TNFSF4: variants seen among roughly 807,000 people sequenced by gnomAD.
The protein encoded by TNFSF4 is TNF superfamily member 4.
TNFSF4 carries 4 observed loss-of-function variants against 7.3 expected under a neutral mutation model. The observed-to-expected ratio is 0.55, with a 90% CI of 0.27 to 1.25. The LOEUF (loss-of-function observed/expected upper bound fraction) is 1.25, where lower values mean the gene tolerates loss of function less well. Among genes scored for constraint, TNFSF4 ranks in the 50% most tolerant of loss-of-function variants. The pLI, the probability that TNFSF4 is intolerant of heterozygous loss-of-function variation, is 0.12. For synonymous variants in TNFSF4, 76 were observed against 83.7 expected, an observed-to-expected ratio of 0.91 and a Z score of 0.50; for missense variants, 181 against 208.8, an observed-to-expected ratio of 0.87 and a Z score of 0.82.
intron 1 of TNFSF4, among the ~76,000 whole-genome samples, chr1:173,195,670 C>A (rs144449104): frequency 9.2e-5 from 14 of 152,286 alleles, no homozygotes; most frequent in Middle Eastern, 3.4e-3. Flanking sequence ...GACCTTAAAC[C>A]CATTTGACAT....
chr1:173,251,708 A>C, the TNFSF4 span, among the ~76,000 whole-genome samples: 1 of 152,240 alleles, frequency 6.6e-6, no homozygotes, highest in Non-Finnish European at 1.5e-5. Flanking sequence ...TCTAAGGATT[A>C]AAAGGGAAAA....
At chr1:173,247,548 AT>A in the TNFSF4 span, among the ~76,000 whole-genome samples, 4 of 152,218 alleles carry the variant, frequency 2.6e-5, no homozygotes, top group Non-Finnish European at 2.9e-5. Flanking sequence ...TGGCCACTGA[AT>A]TCATCTTTTC....
intron 1 of TNFSF4, among the ~76,000 whole-genome samples, chr1:173,190,336 A>G (rs1649422781): frequency 6.6e-6 from 1 of 152,070 alleles, no homozygotes; most frequent in Non-Finnish European, 1.5e-5. Context: ...CCTGTTTCCC[A>G]CTCTCCTGGC....
chr1:173,233,783 T>C, the TNFSF4 span, among the ~76,000 whole-genome samples: 15 of 152,194 alleles, frequency 9.9e-5, no homozygotes, highest in Non-Finnish European at 1.5e-4. Context: ...TTACACCTTA[T>C]AAAAAAATTA....
chr1:173,431,208 TC>T, the TNFSF4 span, among the ~76,000 whole-genome samples: 4 of 152,256 alleles, frequency 2.6e-5, no homozygotes, highest in African/African-American at 7.2e-5. Flanking sequence ...GTGTTTGCAT[TC>T]TAAATATTTT....
At chr1:173,263,362 C>T in the TNFSF4 span, among the ~76,000 whole-genome samples, 35 of 152,306 alleles carry the variant, frequency 2.3e-4, no homozygotes, top group South Asian at 1.5e-3. Flanking sequence ...GGAGGCATAA[C>T]GCTATTTCAA....
the TNFSF4 span, among the ~76,000 whole-genome samples, chr1:173,352,251 C>A: frequency 2.0e-5 from 3 of 152,090 alleles, no homozygotes; most frequent in Non-Finnish European, 4.4e-5. Flanking sequence ...ACTTGTGTGT[C>A]GTCTTCTAAA....
At chr1:173,309,234 T>C in the TNFSF4 span, among the ~76,000 whole-genome samples, 1 of 152,128 alleles carries the variant, frequency 6.6e-6, no homozygotes, top group African/African-American at 2.4e-5. Context: ...CTTATTACAC[T>C]GGCTAGGACC....
intron 1 of TNFSF4, among the ~76,000 whole-genome samples, chr1:173,205,022 C>T (rs1000728334): frequency 3.9e-5 from 6 of 152,000 alleles, no homozygotes; most frequent in African/African-American, 1.5e-4. Flanking sequence ...CTATGCTATC[C>T]TTCTCATAAT....
chr1:173,252,334 T>G, the TNFSF4 span, among the ~76,000 whole-genome samples: 1 of 152,184 alleles, frequency 6.6e-6, no homozygotes, highest in Non-Finnish European at 1.5e-5. Context: ...CAGCTTAATT[T>G]TGGATCTCTT....
chr1:173,359,759 T>C, the TNFSF4 span, among the ~76,000 whole-genome samples: 1 of 152,308 alleles, frequency 6.6e-6, no homozygotes, highest in African/African-American at 2.4e-5. Context: ...TCTGCTAAGA[T>C]AGTGTTTCCA....
the TNFSF4 span, among the ~76,000 whole-genome samples, chr1:173,378,871 C>T: frequency 4.6e-5 from 1 of 21,516 alleles, no homozygotes; most frequent in African/African-American, 1.2e-4. Flanking sequence ...ACCACAAGAA[C>T]CCCCCTCCCC....
Position 173,183,898 on chromosome 1 carries a change from T to A in TNFSF4, c.*2618A>T, listed in dbSNP as rs1032173816. The A allele has an allele frequency of 2.6e-5, 4 of 152,162 alleles. No homozygotes were observed. Among genetic ancestry groups the A allele is most frequent in the African/African-American group, 9.7e-5 (4 of 41,430 alleles). The allele number at this position is 152,162 out of a possible 1,614,324, so 9.4% of individuals were successfully genotyped here. The stretch of plus-strand genomic sequence containing the variant: ...CAGTATACTTAAGAACAAATTATGA[T>A]TTGGATCGGGATTGGAATCCCTTAA... On this transcript the variant is annotated 3_prime_UTR_variant, in exon 3 of 3. Transcript: ENST00000281834.
chr1:173,367,912 A>T, the TNFSF4 span, among the ~76,000 whole-genome samples: 6 of 152,116 alleles, frequency 3.9e-5, no homozygotes, highest in African/African-American at 1.4e-4. Context: ...GACTTGGGGA[A>T]CTTTTCTGTC....
the TNFSF4 span, among the ~76,000 whole-genome samples, chr1:173,340,826 TGCCC>T: frequency 9.2e-5 from 14 of 152,116 alleles, no homozygotes; most frequent in Admixed American, 9.2e-4. Context: ...AGCAATAAGA[TGCCC>T]TGTCTGTGAG....
At chr1:173,353,570 T>C in the TNFSF4 span, among the ~76,000 whole-genome samples, 1 of 152,238 alleles carries the variant, frequency 6.6e-6, no homozygotes. Flanking sequence ...CATGCTGATG[T>C]GTCCAGAATT....
the TNFSF4 span, among the ~76,000 whole-genome samples, chr1:173,250,463 G>GTTTTTTTTTTT: frequency 7.1e-6 from 1 of 139,924 alleles, no homozygotes; most frequent in Non-Finnish European, 1.6e-5. Context: ...TTGTTTTTTT[G>GTTTTTTTTTTT]TTTTTTTTTT....
chr1:173,275,427 A>C, the TNFSF4 span, among the ~76,000 whole-genome samples: 1 of 152,182 alleles, frequency 6.6e-6, no homozygotes, highest in Non-Finnish European at 1.5e-5. Context: ...CTCTATACAA[A>C]CATCCTGGAA....
intron 1 of TNFSF4, among the ~76,000 whole-genome samples, chr1:173,197,716 C>G (rs532767147): frequency 6.6e-6 from 1 of 152,300 alleles, no homozygotes; most frequent in East Asian, 1.9e-4. Flanking sequence ...GGAAAAATAG[C>G]TAATGGATGC....
Sources: allele counts gnomAD v4.1 joint callset (sites outside exome capture counted in the v4.1 genomes callset), GRCh38; gene constraint gnomAD v4.1.1; transcripts MANE v1.5; gene names NCBI Gene and HGNC (gene_info 2026-07-23, HGNC 2026-07-21).